The following AGBL1 variants were observed in gnomAD, a reference collection of about 807,000 sequenced individuals.
The protein encoded by AGBL1 is AGBL carboxypeptidase 1.
A neutral mutation model predicts 118.9 loss-of-function variants in AGBL1; 130 were observed. The observed-to-expected ratio is 1.09, with a 90% CI of 0.95 to 1.26. The LOEUF (loss-of-function observed/expected upper bound fraction) is 1.26, where lower values mean the gene tolerates loss of function less well. AGBL1 is among the 50% of genes most tolerant of loss of function. The pLI, the probability that AGBL1 is intolerant of heterozygous loss-of-function variation, is 0.00. For missense variants in AGBL1, 1,584 were observed against 1,298.1 expected (o/e 1.22, Z -3.38); for synonymous variants, 555 against 478.9 (o/e 1.16, Z -2.08).
intron 23 of AGBL1, among the ~76,000 whole-genome samples, chr15:86,925,283 G>C (rs539607207): frequency 5.3e-5 from 8 of 152,214 alleles, no homozygotes; most frequent in African/African-American, 1.9e-4. Context: ...CCTGGTGATT[G>C]ATTGGGGAGG....
chr15:86,403,674 A>T (rs1465581958), intron 18 of AGBL1, among the ~76,000 whole-genome samples: 1 of 152,208 alleles, frequency 6.6e-6, no homozygotes, highest in Admixed American at 6.5e-5. Flanking sequence ...CAACAAATGT[A>T]GGTGTTCTAT....
intron 17 of AGBL1, chr15:86,317,197 A>G (rs2080025951): frequency 6.6e-6 from 1 of 152,178 alleles, no homozygotes; most frequent in African/African-American, 2.4e-5. Flanking sequence ...GTGTCCACAA[A>G]ACACTTTGAA....
At chr15:86,308,277 G>C (rs1023471830) in intron 17 of AGBL1, among the ~76,000 whole-genome samples, 21 of 152,072 alleles carry the variant, frequency 1.4e-4, no homozygotes, top group African/African-American at 4.8e-4. Context: ...TTGAAGTAAG[G>C]AAGTAATTAA....
At chr15:86,574,175 A>G (rs1026781624) in intron 21 of AGBL1, among the ~76,000 whole-genome samples, 1 of 152,252 alleles carries the variant, frequency 6.6e-6, no homozygotes, top group African/African-American at 2.4e-5. Context: ...TAGGCTGTAC[A>G]TAGTTGAAAA....
intron 6 of AGBL1, among the ~76,000 whole-genome samples, chr15:86,225,989 T>C (rs1347290847): frequency 6.6e-6 from 1 of 152,116 alleles, no homozygotes; most frequent in Non-Finnish European, 1.5e-5. Flanking sequence ...ATCTGTGGAC[T>C]TGACATGAGA....
intron 23 of AGBL1, among the ~76,000 whole-genome samples, chr15:86,945,642 C>T (rs1236746066): frequency 6.6e-6 from 1 of 152,096 alleles, no homozygotes; most frequent in African/African-American, 2.4e-5. Context: ...CACTGCACTT[C>T]AGTGTGGACA....
intron 18 of AGBL1, among the ~76,000 whole-genome samples, chr15:86,423,310 AC>A (rs2142027171): frequency 6.6e-6 from 1 of 152,302 alleles, no homozygotes; most frequent in African/African-American, 2.4e-5. Flanking sequence ...CAGAAACAGA[AC>A]CAATGACAAA....
intron 21 of AGBL1, among the ~76,000 whole-genome samples, chr15:86,646,590 T>C (rs147521519): frequency 1.3e-5 from 2 of 152,294 alleles, no homozygotes; most frequent in Non-Finnish European, 2.9e-5. Context: ...ACTTTTCTTT[T>C]TTTTAAGTTA....
chr15:86,925,168 G>A (rs1305468846), intron 23 of AGBL1, among the ~76,000 whole-genome samples: 3 of 16,614 alleles, frequency 1.8e-4, no homozygotes, highest in Middle Eastern at 0.033. Context: ...GGAGGAGGAG[G>A]AAGAGGAAGA....
chr15:87,003,972 C>T (rs2081469400), intron 24 of AGBL1, among the ~76,000 whole-genome samples: 1 of 152,058 alleles, frequency 6.6e-6, no homozygotes, highest in Admixed American at 6.5e-5. Flanking sequence ...TCCTTCAGTT[C>T]TGCTCTGATC....
intron 23 of AGBL1, among the ~76,000 whole-genome samples, chr15:86,975,791 A>G (rs1691353699): frequency 6.6e-6 from 1 of 152,120 alleles, no homozygotes; most frequent in South Asian, 2.1e-4. Context: ...GGGTCTTCAG[A>G]CTAAATATGA....
At chr15:86,790,029 G>T (rs2078469143) in intron 22 of AGBL1, among the ~76,000 whole-genome samples, 1 of 152,036 alleles carries the variant, frequency 6.6e-6, no homozygotes, top group African/African-American at 2.4e-5. Flanking sequence ...AGTATTATAA[G>T]GGTGTTTTTG....
intron 21 of AGBL1, among the ~76,000 whole-genome samples, chr15:86,664,927 G>A (rs973173479): frequency 2.0e-5 from 3 of 151,900 alleles, no homozygotes; most frequent in Non-Finnish European, 4.4e-5. Context: ...AGTGGCAAAA[G>A]CAATTAGGTA....
chr15:86,107,668 G>A (rs912371076), intron 1 of AGBL1: 3 of 152,228 alleles, frequency 2.0e-5, no homozygotes, highest in Non-Finnish European at 2.9e-5. Flanking sequence ...GAATTCATCA[G>A]TGGGGATGGG....
chr15:86,626,195 G>A (rs1469006429), intron 21 of AGBL1, among the ~76,000 whole-genome samples: 1 of 152,106 alleles, frequency 6.6e-6, no homozygotes, highest in Non-Finnish European at 1.5e-5. Flanking sequence ...CTATCATATA[G>A]ACACATGCAT....
At chr15:86,665,012 T>C (rs2085617989) in intron 21 of AGBL1, among the ~76,000 whole-genome samples, 1 of 152,164 alleles carries the variant, frequency 6.6e-6, no homozygotes, top group Non-Finnish European at 1.5e-5. Flanking sequence ...CGCGCATTTC[T>C]AACCAGTTAA....
At chr15:86,927,942 A>ATATG in intron 23 of AGBL1, among the ~76,000 whole-genome samples, 1 of 152,026 alleles carries the variant, frequency 6.6e-6, no homozygotes. Context: ...ATGCATATAT[A>ATATG]TATATAAAAT....
intron 24 of AGBL1, among the ~76,000 whole-genome samples, chr15:86,992,086 G>A (rs1270097662): frequency 6.6e-6 from 1 of 152,114 alleles, no homozygotes; most frequent in African/African-American, 2.4e-5. Flanking sequence ...CTTCTGGTGA[G>A]AGGCCTCAAG....
intron 18 of AGBL1, among the ~76,000 whole-genome samples, chr15:86,468,090 A>G (rs2082429695): frequency 6.6e-6 from 1 of 152,108 alleles, no homozygotes; most frequent in African/African-American, 2.4e-5. Flanking sequence ...CCAGACATGC[A>G]AGTATATAAT....
Sources: allele counts gnomAD v4.1 joint callset (sites outside exome capture counted in the v4.1 genomes callset), GRCh38; gene constraint gnomAD v4.1.1; transcripts MANE v1.5; gene names NCBI Gene and HGNC (gene_info 2026-07-23, HGNC 2026-07-21).